LAMB4: variants seen among roughly 807,000 people sequenced by gnomAD.
LAMB4 encodes laminin subunit beta 4.
Under a neutral mutation model 199.2 loss-of-function variants are expected in LAMB4, and 196 were observed. That is an observed-to-expected ratio of 0.98 (90% CI 0.88 to 1.11). The LOEUF is 1.11. LAMB4 is among the 50% of genes least tolerant of loss of function. The probability of loss-of-function intolerance (pLI) is 0.00; values close to 1 mark genes in which losing one functional copy is unlikely to be tolerated. For synonymous variants in LAMB4, 744 were observed against 770.6 expected (o/e 0.97, Z 0.57); for missense variants, 2,080 against 2,171.2 (o/e 0.96, Z 0.83).
the LAMB4 span, among the ~76,000 whole-genome samples, chr7:108,015,479 A>C: frequency 6.6e-6 from 1 of 152,164 alleles, no homozygotes; most frequent in Non-Finnish European, 1.5e-5. Context: ...TTTTGACTTA[A>C]ATTGGATATT....
At chr7:108,057,524 T>C (rs866340111) in intron 24 of LAMB4, among the ~76,000 whole-genome samples, 1 of 152,228 alleles carries the variant, frequency 6.6e-6, no homozygotes, top group Admixed American at 6.5e-5. Context: ...AAGCCCATGA[T>C]ACCTGATATT....
intron 28 of LAMB4, among the ~76,000 whole-genome samples, chr7:108,044,707 C>A (rs1290887696): frequency 6.6e-6 from 1 of 152,140 alleles, no homozygotes; most frequent in African/African-American, 2.4e-5. Context: ...ATCCCCAGCA[C>A]TTTGGGAGGC....
intron 1 of LAMB4, 106 bp downstream of exon 1, chr7:108,130,200 T>C (rs1161932916): frequency 6.6e-6 from 1 of 152,200 alleles, no homozygotes; most frequent in Non-Finnish European, 1.5e-5. Flanking sequence ...TGCTAATATG[T>C]CCCATTTCTT....
At chr7:108,027,514 G>T (rs1408887085) in intron 33 of LAMB4, among the ~76,000 whole-genome samples, 2 of 152,120 alleles carry the variant, frequency 1.3e-5, no homozygotes, top group African/African-American at 2.4e-5. Flanking sequence ...TGATATAAGT[G>T]GTTGTAAGGC....
chr7:108,056,571 GAAGA>G (rs1052618219), intron 24 of LAMB4, among the ~76,000 whole-genome samples: 4 of 152,352 alleles, frequency 2.6e-5, no homozygotes, highest in African/African-American at 9.6e-5. Flanking sequence ...GACCAAGCCT[GAAGA>G]TAGAGGATAG....
chr7:108,032,837 G>A (rs1489120786), intron 31 of LAMB4, among the ~76,000 whole-genome samples: 2 of 151,952 alleles, frequency 1.3e-5, no homozygotes, highest in Non-Finnish European at 2.9e-5. Context: ...TTATATGCAT[G>A]GTGACCATTA....
chr7:108,071,831 C>T (rs1337226168), intron 17 of LAMB4, among the ~76,000 whole-genome samples: 1 of 152,196 alleles, frequency 6.6e-6, no homozygotes, highest in East Asian at 1.9e-4. Flanking sequence ...AATTCATTTT[C>T]TACACTAAAG....
chr7:108,075,516 A>G (rs1161465943), intron 17 of LAMB4: 2 of 152,254 alleles, frequency 1.3e-5, no homozygotes, highest in Non-Finnish European at 1.5e-5. Context: ...ATATTAGAAG[A>G]TTCTCACAAA....
At chr7:108,038,242 C>T (rs190170525) in intron 29 of LAMB4, among the ~76,000 whole-genome samples, 1 of 151,928 alleles carries the variant, frequency 6.6e-6, no homozygotes, top group Non-Finnish European at 1.5e-5. Flanking sequence ...TTACTGCAAC[C>T]TCTGACTTCC....
Position 108,047,972 on chromosome 7 carries a change from T to C in LAMB4, c.4262A>G (p.Lys1421Arg). The change falls in exon 28 of 34, where the codon AAA becomes AGA. Residue 1421 changes from lysine (K) to arginine (R), a missense_variant. Physicochemically the swap from Lys to Arg is conservative, Grantham distance 26. Coordinates refer to ENST00000388781, the MANE Select transcript of LAMB4 (RefSeq NM_007356.3). ...AATAATGGATTTTGCTTCCTGGGCT[T>C]TTTGGAGGGCATTCGTTGAGAGGGT... ...SLTLSTNALQ[K>R]AQEAKSIIRN... 1 of 1,614,164 alleles carries C rather than the reference T, an allele frequency of 6.2e-7. No individual in the cohort carries two copies. The highest frequency in any genetic ancestry group is 8.5e-7 in the Non-Finnish European group (1 of 1,180,028).
chr7:108,056,571 G>A (rs1194642127), intron 24 of LAMB4, among the ~76,000 whole-genome samples: 1 of 152,234 alleles, frequency 6.6e-6, no homozygotes, highest in East Asian at 1.9e-4. Flanking sequence ...GACCAAGCCT[G>A]AAGATAGAGG....
At chr7:108,118,661 TA>T (rs2038493670) in intron 2 of LAMB4, among the ~76,000 whole-genome samples, 1 of 151,862 alleles carries the variant, frequency 6.6e-6, no homozygotes, top group Admixed American at 6.6e-5. Context: ...GACTTAAATG[TA>T]AAATGTGAAA....
At chr7:108,042,919 ATCTCTC>A (rs142575922) in intron 29 of LAMB4, among the ~76,000 whole-genome samples, 3 of 146,644 alleles carry the variant, frequency 2.0e-5, no homozygotes, top group African/African-American at 7.8e-5. Flanking sequence ...CACATTAATC[ATCTCTC>A]TCTCTCAATC....
chr7:108,099,708 G>A (rs1185043200), intron 10 of LAMB4, among the ~76,000 whole-genome samples: 1 of 152,126 alleles, frequency 6.6e-6, no homozygotes, highest in Non-Finnish European at 1.5e-5. Flanking sequence ...ATTTATACAT[G>A]CTTGCTTTGG....
At chr7:108,036,329 C>G (rs186821510) in intron 30 of LAMB4, among the ~76,000 whole-genome samples, 33 of 152,142 alleles carry the variant, frequency 2.2e-4, no homozygotes, top group African/African-American at 7.2e-4. Flanking sequence ...GCTAGGATTA[C>G]AGGCATGCAC....
chr7:108,071,964 C>T (rs796759548), intron 17 of LAMB4, among the ~76,000 whole-genome samples: 8 of 151,546 alleles, frequency 5.3e-5, no homozygotes, highest in African/African-American at 1.7e-4. Flanking sequence ...TGCTATGCTC[C>T]TCCTGCTCAT....
At chr7:108,081,255 T>C (rs770965067) in intron 14 of LAMB4, among the ~76,000 whole-genome samples, 2 of 152,206 alleles carry the variant, frequency 1.3e-5, no homozygotes, top group African/African-American at 2.4e-5. Flanking sequence ...TGACCCTTGC[T>C]CTGGAGGATT....
chr7:108,045,562 A>C (rs763952405), intron 28 of LAMB4, among the ~76,000 whole-genome samples: 2 of 152,258 alleles, frequency 1.3e-5, no homozygotes, highest in Non-Finnish European at 2.9e-5. Flanking sequence ...ATAGCTTAAC[A>C]TATTATTGAC....
downstream of LAMB4, among the ~76,000 whole-genome samples, chr7:108,021,949 G>A (rs924675033): frequency 4.6e-5 from 7 of 152,150 alleles, no homozygotes; most frequent in African/African-American, 1.7e-4. Flanking sequence ...GAGGGCACAT[G>A]AAGAGGCCCG....
Sources: allele counts gnomAD v4.1 joint callset (sites outside exome capture counted in the v4.1 genomes callset), GRCh38; gene constraint gnomAD v4.1.1; transcripts MANE v1.5; gene names NCBI Gene and HGNC (gene_info 2026-07-23, HGNC 2026-07-21).